TMEM207: variants seen among roughly 807,000 people sequenced by gnomAD.
TMEM207 encodes the protein SRSR846.
TMEM207 carries 15 observed loss-of-function variants against 17.4 expected under a neutral mutation model. That is an observed-to-expected ratio of 0.86 (90% CI 0.58 to 1.33). TMEM207 has a LOEUF of 1.33. Ranked by LOEUF, TMEM207 falls within the 40% of genes most tolerant of loss-of-function variation. The pLI, the probability that TMEM207 is intolerant of heterozygous loss-of-function variation, is 0.00. For synonymous variants in TMEM207, 70 were observed against 65.6 expected, an observed-to-expected ratio of 1.07 and a Z score of -0.33; for missense variants, 205 against 173.8, an observed-to-expected ratio of 1.18 and a Z score of -1.01.
intron 4 of TMEM207, among the ~76,000 whole-genome samples, chr3:190,435,231 G>A (rs1171558367): frequency 1.3e-5 from 2 of 152,140 alleles, no homozygotes; most frequent in East Asian, 1.9e-4. Context: ...CCAAGGTTTC[G>A]GCAGGGTAGG....
At chr3:190,434,441 A>G (rs544551053) in intron 4 of TMEM207, among the ~76,000 whole-genome samples, 141 of 152,258 alleles carry the variant, frequency 9.3e-4, no homozygotes, top group African/African-American at 3.2e-3. Flanking sequence ...GCTGCCATCC[A>G]TCTAAGATGT....
chr3:190,447,871 G>T, intron 1 of TMEM207, 44 bp from the exon 2 acceptor site: 1 of 1,573,650 alleles, frequency 6.4e-7, no homozygotes, highest in African/African-American at 1.4e-5. Flanking sequence ...CATCTCATCA[G>T]TCTAATCCTT....
rs376263818 is a variant in TMEM207, at chr3:190,429,756, G to C, written c.305-25C>G. On this transcript the variant is annotated intron_variant, in intron 4 of 4. Transcript: ENST00000354905. The stretch of plus-strand genomic sequence containing the variant: ...CCTGGAAAGAGAAAGATGAAGACTT[G>C]TAATCTTTCTAGTGAGCATAAAACA... 5.1e-6 allele frequency: 8 copies of C among 1,573,010 alleles called. No individual in the cohort carries two copies. In the African/African-American group the frequency reaches 1.1e-4, roughly 22 times the overall value.
intron 4 of TMEM207, among the ~76,000 whole-genome samples, chr3:190,438,430 T>A (rs1719852173): frequency 6.6e-6 from 1 of 151,946 alleles, no homozygotes; most frequent in African/African-American, 2.4e-5. Flanking sequence ...TTCACACTCA[T>A]GACATTCAGG....
chr3:190,443,589 AG>A (rs1359560844), intron 2 of TMEM207, among the ~76,000 whole-genome samples: 2 of 151,656 alleles, frequency 1.3e-5, no homozygotes, highest in Admixed American at 1.3e-4. Context: ...AGAGAGGAAG[AG>A]GGGAATTCAC....
intron 2 of TMEM207, among the ~76,000 whole-genome samples, chr3:190,445,232 T>A (rs564613798): frequency 2.6e-4 from 39 of 152,340 alleles, no homozygotes; most frequent in African/African-American, 9.4e-4. Context: ...GAATCTTTTA[T>A]ATGTATAGTC....
At chr3:190,448,899 G>A (rs569713425) in intron 1 of TMEM207, among the ~76,000 whole-genome samples, 2 of 152,252 alleles carry the variant, frequency 1.3e-5, no homozygotes, top group East Asian at 3.9e-4. Flanking sequence ...CAATTTATAA[G>A]CACAGAAAAT....
chr3:190,430,468 A>AT (rs1410291775), intron 4 of TMEM207, among the ~76,000 whole-genome samples: 2 of 151,418 alleles, frequency 1.3e-5, no homozygotes, highest in African/African-American at 4.8e-5. Context: ...TAATAGTGCT[A>AT]TTTTATAACC....
chr3:190,438,299 C>CTTTT (rs535891750), intron 4 of TMEM207, among the ~76,000 whole-genome samples: 3 of 141,522 alleles, frequency 2.1e-5, no homozygotes, highest in Non-Finnish European at 4.6e-5. Flanking sequence ...GTTTTTTTTT[C>CTTTT]TTTTTTTTTT....
At chr3:190,440,421 G>A in intron 3 of TMEM207, 32 bp from the exon 4 acceptor site, 1 of 1,591,524 alleles carries the variant, frequency 6.3e-7, no homozygotes, top group South Asian at 1.1e-5. Flanking sequence ...AAAAGAATGA[G>A]GTAGAGTATG....
At chr3:190,446,508 T>TG (rs1025654118) in intron 2 of TMEM207, among the ~76,000 whole-genome samples, 1 of 5,138 alleles carries the variant, frequency 1.9e-4, no homozygotes, top group African/African-American at 6.3e-3. Context: ...TGAGGGTTAA[T>TG]TTTTTTTTGT....
chr3:190,443,906 A>C (rs1451396085), intron 2 of TMEM207, among the ~76,000 whole-genome samples: 2 of 152,222 alleles, frequency 1.3e-5, no homozygotes, highest in African/African-American at 4.8e-5. Flanking sequence ...CATTTGGAAT[A>C]AGAATTATCT....
At chr3:190,440,122 TG>T (rs1719896146) in intron 4 of TMEM207, 121 bp downstream of exon 4, 3 of 1,165,976 alleles carry the variant, frequency 2.6e-6, no homozygotes. Context: ...CAGGCCTTGG[TG>T]TCTCCAATAA....
chr3:190,443,145 C>CTTTTTTTTTTTTTT (rs201791052), intron 2 of TMEM207, among the ~76,000 whole-genome samples: 2 of 140,392 alleles, frequency 1.4e-5, no homozygotes, highest in Admixed American at 7.2e-5. Flanking sequence ...ATTAAAAAAG[C>CTTTTTTTTTTTTTT]TTTTTTTTTT....
At chr3:190,449,199 G>A (rs913537987) in intron 1 of TMEM207, among the ~76,000 whole-genome samples, 2 of 152,144 alleles carry the variant, frequency 1.3e-5, no homozygotes, top group African/African-American at 2.4e-5. Flanking sequence ...GGTAAGGAAA[G>A]CTATAATTTA....
intron 2 of TMEM207, among the ~76,000 whole-genome samples, chr3:190,444,250 T>C (rs190509419): frequency 6.6e-6 from 1 of 152,330 alleles, no homozygotes; most frequent in East Asian, 1.9e-4. Flanking sequence ...CATACTATTA[T>C]AATTCTCCTT....
At chr3:190,440,512 T>C (rs1209391270) in intron 3 of TMEM207, 123 bp from the exon 4 acceptor site, 4 of 772,656 alleles carry the variant, frequency 5.2e-6, no homozygotes, top group Non-Finnish European at 5.9e-6. Flanking sequence ...TGTGGGACAC[T>C]GAATTCCTTA....
At chr3:190,429,837 G>T in intron 4 of TMEM207, 106 bp from the exon 5 acceptor site, 1 of 1,321,304 alleles carries the variant, frequency 7.6e-7, no homozygotes, top group Non-Finnish European at 1.0e-6. Flanking sequence ...TGAAGCAACA[G>T]AAAATTATTT....
chr3:190,447,786 T>C lies in TMEM207; in HGVS notation c.113+4A>G, dbSNP rs912674400. ...AAACATGGAGTTTTTCGCTGTTTAC[T>C]TACATTTCATCTTCTTCGCATGGTA... On this transcript the variant is annotated splice_donor_region_variant and intron_variant, in intron 2 of 4. Transcript: ENST00000354905. 1 of 1,611,736 alleles carries C rather than the reference T, an allele frequency of 6.2e-7. No homozygotes were observed. The highest frequency in any genetic ancestry group is 1.1e-5 in the South Asian group (1 of 90,406).
Sources: gnomAD v4.1 joint callset for allele counts (sites outside exome capture counted in the v4.1 genomes callset) on GRCh38, gnomAD v4.1.1 for gene constraint, MANE v1.5 for transcripts, NCBI Gene and HGNC (gene_info 2026-07-23, HGNC 2026-07-21) for gene names.